The following SMTN variants were observed in gnomAD, a reference collection of about 807,000 sequenced individuals.
SMTN encodes the protein smoothelin.
In SMTN, 58 loss-of-function variants were observed where a neutral mutation model predicts 102.0. The observed-to-expected ratio is 0.57, with a 90% CI of 0.46 to 0.71. SMTN has a LOEUF of 0.71. Among genes scored for constraint, SMTN ranks in the 30% least tolerant of loss-of-function variants. The probability of loss-of-function intolerance (pLI) is 0.00; values close to 1 mark genes in which losing one functional copy is unlikely to be tolerated. For missense variants in SMTN, 1,185 were observed against 1,241.7 expected (o/e 0.95, Z 0.69); for synonymous variants, 478 against 497.9 (o/e 0.96, Z 0.53).
chr22:31,073,283 G>A (rs1461186164), intron 1 of SMTN, among the ~76,000 whole-genome samples: 1 of 152,032 alleles, frequency 6.6e-6, no homozygotes, highest in African/African-American at 2.4e-5. Flanking sequence ...ACGCATGCAC[G>A]CCAGCCCCAC....
At chr22:31,083,353 C>T (rs1229140360) in intron 2 of SMTN, 44 bp downstream of exon 2, 1 of 1,503,656 alleles carries the variant, frequency 6.7e-7, no homozygotes, top group Non-Finnish European at 8.9e-7. Context: ...AAAGCCAAGC[C>T]AGAGAGGCAG....
At chr22:31,093,864 C>T (rs1412508643) in intron 11 of SMTN, 1 of 1,574,174 alleles carries the variant, frequency 6.4e-7, no homozygotes, top group Non-Finnish European at 8.6e-7. Flanking sequence ...GCACCACCCG[C>T]AGCACTAGTC....
chr22:31,090,678 G>C, intron 8 of SMTN, 130 bp from the exon 9 acceptor site: 1 of 758,818 alleles, frequency 1.3e-6, no homozygotes. Context: ...GAGGTGGGGT[G>C]GGGGTTGAGT....
chr22:31,082,957 G>C (rs1232997189), intron 1 of SMTN: 1 of 1,494,648 alleles, frequency 6.7e-7, no homozygotes, highest in South Asian at 1.2e-5. Flanking sequence ...CAGACTGGCG[G>C]CCAAGCTGGC....
chr22:31,089,660 C>A, intron 6 of SMTN, 39 bp from the exon 7 acceptor site: 1 of 1,558,526 alleles, frequency 6.4e-7, no homozygotes, highest in Non-Finnish European at 8.7e-7. Flanking sequence ...GCGTTCAAAG[C>A]CTAGGGAGCC....
chr22:31,065,685 C>T (rs1602570036), intron 1 of SMTN: 1 of 151,582 alleles, frequency 6.6e-6, no homozygotes, highest in Non-Finnish European at 1.5e-5. Flanking sequence ...AAATGCATGC[C>T]GTCTACTTTT....
chr22:31,096,837 C>CG lies in SMTN; in HGVS notation c.1969dup (p.Ala657GlyfsTer3). ...TGAGACCACCACGAGGCACAGCCAG[C>CG]GGGCAGCTGATGGCTCTGCTGTCAG... On this transcript the variant is annotated frameshift_variant, in exon 14 of 21. Transcript: ENST00000333137. LOFTEE classifies it high-confidence loss of function. 6.4e-7 allele frequency: 1 copy of CG among 1,574,548 alleles called. No individual in the cohort carries two copies. The highest frequency in any genetic ancestry group is 8.6e-7 in the Non-Finnish European group (1 of 1,157,492).
chr22:31,085,261 G>T, intron 2 of SMTN: 1 of 1,517,866 alleles, frequency 6.6e-7, no homozygotes, highest in Non-Finnish European at 8.8e-7. Context: ...TTCCTACCTG[G>T]CTACCCCTTC....
At position 31,090,970 on chromosome 22, in the gene SMTN, C is replaced by G. The variant is rs1311915489; in HGVS notation, c.947C>G (p.Pro316Arg). The G allele has an allele frequency of 2.5e-6, 4 of 1,613,270 alleles. No individual in the cohort carries two copies. Among genetic ancestry groups the G allele is most frequent in the South Asian group, 2.2e-5 (2 of 91,022 alleles). ...CTCCTGTTCCTTCTAGAGTCCACCC[C>G]CCTTGCCAGCGGACCTTCCTCATTC... is the stretch of plus-strand genomic sequence containing the variant. ...RQPAQNREST[P>R]LASGPSSFQR... The change falls in exon 10 of 21, where the codon CCC (proline) becomes CGC (arginine). Residue 316 changes from proline (P) to arginine (R), a missense_variant. Pro to Arg is a moderately radical substitution (Grantham distance 103). Around this residue, in one of 2 missense-constraint regions of SMTN, gnomAD observed 1,096 missense variants for 1,112.7 expected, o/e 0.98. Coordinates refer to ENST00000333137, the MANE Select transcript of SMTN (RefSeq NM_134269.3).
At chr22:31,082,649 C>T (rs2042385844) in intron 1 of SMTN, 1 of 610,884 alleles carries the variant, frequency 1.6e-6, no homozygotes, top group East Asian at 3.3e-5. Flanking sequence ...GACAGCAGAG[C>T]TGGCTCCAAG....
At chr22:31,086,157 G>C (rs573020281) in intron 2 of SMTN, among the ~76,000 whole-genome samples, 203 of 152,300 alleles carry the variant, frequency 1.3e-3, no homozygotes, top group African/African-American at 4.7e-3. Context: ...CTGCTATAAG[G>C]CCTCCTTAGG....
chr22:31,102,582 C>T, intron 20 of SMTN: 1 of 152,524 alleles, frequency 6.6e-6, no homozygotes, highest in Non-Finnish European at 1.5e-5. Context: ...GACTTAGGAG[C>T]TGCTGCCCAG....
chr22:31,069,452 T>C (rs941933537), intron 1 of SMTN, among the ~76,000 whole-genome samples: 3 of 152,172 alleles, frequency 2.0e-5, no homozygotes, highest in Non-Finnish European at 4.4e-5. Context: ...CCATGTGAAG[T>C]TTCCAGATTT....
chr22:31,092,375 G>A (rs145440720), intron 11 of SMTN: 193 of 453,444 alleles, frequency 4.3e-4, no homozygotes, highest in African/African-American at 3.5e-3. Context: ...GGGACAGACA[G>A]GCAGAGGGGC....
chr22:31,079,447 C>T (rs1036057741), upstream of SMTN, among the ~76,000 whole-genome samples: 1 of 152,216 alleles, frequency 6.6e-6, no homozygotes, highest in Non-Finnish European at 1.5e-5. Flanking sequence ...TCCTAGCCTA[C>T]AGTAGGGCAG....
chr22:31,100,027 C>T (rs2043944193), intron 19 of SMTN, 131 bp downstream of exon 19: 13 of 855,026 alleles, frequency 1.5e-5, no homozygotes, highest in Non-Finnish European at 3.6e-6. Context: ...GACCCCCTTC[C>T]CCAGAGAGTC....
intron 11 of SMTN, 70 bp downstream of exon 11, chr22:31,091,917 C>A: frequency 7.3e-7 from 1 of 1,369,252 alleles, no homozygotes; most frequent in Non-Finnish European, 9.8e-7. Flanking sequence ...GGGTGTAGGG[C>A]TAGCAGGGTT....
intron 16 of SMTN, 50 bp downstream of exon 16, chr22:31,097,388 G>A (rs982309014): frequency 1.3e-6 from 2 of 1,533,368 alleles, no homozygotes; most frequent in South Asian, 1.1e-5. Context: ...GTGCCACAGG[G>A]GACCTAACTG....
rs755631523 is a variant in SMTN at position 31,085,103 on chromosome 22, C to G, written c.51+1794C>G. ...AGGAATGGGGACGCCTGGGGACTTG[C>G]ACGCCGCGTGCCCCTCCACCACCCG... On this transcript the variant is annotated intron_variant, in intron 2 of 20. Coordinates refer to ENST00000333137, the MANE Select transcript of SMTN (RefSeq NM_134269.3). 27 of 1,535,128 alleles carry G rather than the reference C, an allele frequency of 1.8e-5. No individual in the cohort carries two copies. In the South Asian group the frequency reaches 3.2e-4, roughly 18 times the overall value.
Sources: allele counts gnomAD v4.1 joint callset (sites outside exome capture counted in the v4.1 genomes callset), GRCh38; gene constraint gnomAD v4.1.1; regional missense constraint gnomAD v4.1.1; transcripts MANE v1.5; gene names NCBI Gene and HGNC (gene_info 2026-07-23, HGNC 2026-07-21).